Variants in GLRA2 observed in about 807,000 individuals in gnomAD.
The protein encoded by GLRA2 is glycine receptor subunit alpha-2.
Under a neutral mutation model 31.6 loss-of-function variants are expected in GLRA2, and 11 were observed. The ratio of observed to expected loss-of-function variants is 0.35; its 90% confidence interval spans 0.22 to 0.58. The LOEUF (loss-of-function observed/expected upper bound fraction) is 0.58. GLRA2 is among the 20% of genes least tolerant of loss of function. GLRA2 has a pLI of 0.84. For missense variants in GLRA2, 212 were observed against 351.8 expected, an observed-to-expected ratio of 0.60 and a Z score of 3.18; for synonymous variants, 132 against 134.0, an observed-to-expected ratio of 0.99 and a Z score of 0.10.
chrX:14,609,021 A>T lies in GLRA2; in HGVS notation c.746A>T (p.His249Leu). ...GKFTCIEVKF[H>L]LERQMGYYLI... Reference sequence around the variant, plus strand: ...TTTACCTGCATTGAGGTCAAGTTTCATCTGGAACGCCAAATGGGATATTAT... The same window carrying T: ...TTTACCTGCATTGAGGTCAAGTTTCTTCTGGAACGCCAAATGGGATATTAT... The change falls in exon 7 of 9, where the codon CAT becomes CTT. Residue 249 changes from histidine (H) to leucine (L), a missense_variant. Transcript: ENST00000218075. The T allele has an allele frequency of 8.6e-7, 1 of 1,168,057 alleles. No individual in the cohort carries two copies. Among genetic ancestry groups the T allele is most frequent in the Non-Finnish European group, 1.2e-6 (1 of 856,969 alleles).
the GLRA2 span, among the ~76,000 whole-genome samples, chrX:14,479,045 G>C: frequency 1.8e-5 from 2 of 110,659 alleles, no homozygotes; most frequent in Non-Finnish European, 3.8e-5. Context: ...TATCAGGAGA[G>C]GGAGGGAAGG....
intron 3 of GLRA2, among the ~76,000 whole-genome samples, chrX:14,579,173 C>A (rs1251813668): frequency 1.8e-5 from 2 of 112,024 alleles, no homozygotes; most frequent in Non-Finnish European, 3.8e-5. Context: ...TATTAGAATG[C>A]ATGTTGTGCT....
intron 7 of GLRA2, among the ~76,000 whole-genome samples, chrX:14,673,594 G>A (rs773857449): frequency 1.8e-5 from 2 of 111,598 alleles, no homozygotes; most frequent in Non-Finnish European, 3.8e-5. Context: ...TCAGTCCAGG[G>A]AGTGGAGACC....
At chrX:14,687,093 G>A (rs2091286920) in intron 7 of GLRA2, among the ~76,000 whole-genome samples, 1 of 111,910 alleles carries the variant, frequency 8.9e-6, no homozygotes, top group Non-Finnish European at 1.9e-5. Flanking sequence ...GAAATTCTGG[G>A]TTGAAAATTC....
intron 2 of GLRA2, among the ~76,000 whole-genome samples, chrX:14,543,172 A>G (rs2089428813): frequency 1.0e-5 from 1 of 96,710 alleles, no homozygotes; most frequent in African/African-American, 3.9e-5. Context: ...TTTTAACTCC[A>G]GTTTTGACAA....
At chrX:14,509,485 A>G in the GLRA2 span, among the ~76,000 whole-genome samples, 6 of 112,888 alleles carry the variant, frequency 5.3e-5, no homozygotes, top group South Asian at 2.2e-3. Context: ...TGGAAGACTC[A>G]GACTTTGTTA....
At chrX:14,481,231 A>G in the GLRA2 span, among the ~76,000 whole-genome samples, 1 of 111,210 alleles carries the variant, frequency 9.0e-6, no homozygotes, top group Admixed American at 9.6e-5. Flanking sequence ...GTATCCTGAA[A>G]TTTTACTGAA....
chrX:14,574,347 G>T lies in GLRA2; in HGVS notation c.217G>T (p.Val73Phe). The change falls in exon 3 of 9, where the codon GTT becomes TTT. Residue 73 changes from valine (V) to phenylalanine (F), a missense_variant. By Grantham distance (50) the Val-to-Phe change is conservative (BLOSUM62 -1). Around this residue, in one of 5 missense-constraint regions of GLRA2, gnomAD observed 110 missense variants for 232.6 expected, o/e 0.47. Transcript: ENST00000218075. ...RPNFKGPPVN[V>F]TCNIFINSFG... ...GCATTCTGCAGGTCCTCCAGTAAACGTTACTTGCAATATTTTTATCAACAG... is the reference window on the plus strand; with the variant it reads ...GCATTCTGCAGGTCCTCCAGTAAACTTTACTTGCAATATTTTTATCAACAG... The T allele has an allele frequency of 8.4e-7, 1 of 1,197,525 alleles. No homozygotes were observed. Among genetic ancestry groups the T allele is most frequent in the Non-Finnish European group, 1.1e-6 (1 of 882,908 alleles).
the GLRA2 span, among the ~76,000 whole-genome samples, chrX:14,515,876 C>T: frequency 7.2e-5 from 8 of 111,544 alleles, no homozygotes; most frequent in African/African-American, 1.3e-4. Flanking sequence ...GAAGAAAAAC[C>T]TTGAGATGTG....
chrX:14,686,329 T>A (rs1327929738), intron 7 of GLRA2, among the ~76,000 whole-genome samples: 1 of 111,867 alleles, frequency 8.9e-6, no homozygotes, highest in African/African-American at 3.3e-5. Flanking sequence ...GTCTATTAGG[T>A]CTGCTTGGTG....
At chrX:14,573,140 TAAC>T (rs951899140) in intron 2 of GLRA2, among the ~76,000 whole-genome samples, 2 of 112,117 alleles carry the variant, frequency 1.8e-5, no homozygotes, top group Non-Finnish European at 3.8e-5. Flanking sequence ...TTTCAAAGAA[TAAC>T]AACACATCTC....
intron 8 of GLRA2, among the ~76,000 whole-genome samples, chrX:14,709,933 T>C (rs60030981): frequency 2.5e-3 from 280 of 111,923 alleles, no homozygotes; most frequent in African/African-American, 7.8e-3. Flanking sequence ...GGAGATAAGA[T>C]TGGCCAGAGA....
the GLRA2 span, among the ~76,000 whole-genome samples, chrX:14,490,828 G>C: frequency 2.7e-5 from 3 of 111,588 alleles, no homozygotes; most frequent in Admixed American, 2.9e-4. Context: ...CACCTACATG[G>C]GTTTTAATGG....
Position 14,645,180 on chromosome X carries a change from T to C in GLRA2, c.930+35975T>C, listed in dbSNP as rs144758671. ...AGATGAACAGAAACTCCATGTTTGC[T>C]CTGTGCATGGTTTGATTAATTGACT... On this transcript the variant is annotated intron_variant, in intron 7 of 8. Transcript: ENST00000218075. 3.2e-3 allele frequency among the ~76,000 whole-genome samples: 360 copies of C among 112,027 alleles called. 1 individual carries two copies. Among genetic ancestry groups the C allele is most frequent in the African/African-American group, 0.011 (346 of 30,870 alleles).
At chrX:14,651,655 G>A (rs1326007874) in intron 7 of GLRA2, among the ~76,000 whole-genome samples, 1 of 111,700 alleles carries the variant, frequency 9.0e-6, no homozygotes, top group Non-Finnish European at 1.9e-5. Flanking sequence ...AGGCTATACA[G>A]TCTAGGTTTC....
the GLRA2 span, among the ~76,000 whole-genome samples, chrX:14,451,525 G>A: frequency 9.2e-6 from 1 of 108,479 alleles, no homozygotes; most frequent in Non-Finnish European, 1.9e-5. Context: ...AGCTACTCGG[G>A]AGGCTGAGGC....
chrX:14,707,845 CAATT>C (rs1360624843), intron 8 of GLRA2, among the ~76,000 whole-genome samples: 1 of 110,282 alleles, frequency 9.1e-6, no homozygotes, highest in Non-Finnish European at 1.9e-5. Flanking sequence ...GTATAATTGA[CAATT>C]AGAAATCATA....
At position 14,675,612 on chromosome X, in the gene GLRA2, T is replaced by C. The variant is rs372780130; in HGVS notation, c.931-15098T>C. Among the ~76,000 whole-genome samples the C allele has an allele frequency of 8.6e-4, 95 of 110,987 alleles. 2 individuals are homozygous for C. The South Asian group carries it at 0.029, about 34-fold the overall frequency. On this transcript the variant is annotated intron_variant, in intron 7 of 8. Transcript: ENST00000218075. Reference sequence around the variant, plus strand: ...AACAATATTAGATATGGAGAGAAAATGGGGTGAGGGTGGTGACACTGGGAT... The same window carrying C: ...AACAATATTAGATATGGAGAGAAAACGGGGTGAGGGTGGTGACACTGGGAT...
At chrX:14,473,867 C>G in the GLRA2 span, among the ~76,000 whole-genome samples, 1 of 111,468 alleles carries the variant, frequency 9.0e-6, no homozygotes, top group Admixed American at 9.5e-5. Flanking sequence ...GAGATTTTCC[C>G]CTTCACATTG....
Sources: gnomAD v4.1 joint callset for allele counts (sites outside exome capture counted in the v4.1 genomes callset) on GRCh38, gnomAD v4.1.1 for gene constraint, gnomAD v4.1.1 regional missense constraint, MANE v1.5 for transcripts, NCBI Gene and HGNC (gene_info 2026-07-23, HGNC 2026-07-21) for gene names.